Variants in TTC17 observed in about 807,000 individuals in gnomAD.
The protein encoded by TTC17 is tetratricopeptide repeat protein 17.
In TTC17, 58 loss-of-function variants were observed where a neutral mutation model predicts 143.8. The ratio of observed to expected loss-of-function variants is 0.40; its 90% CI spans 0.33 to 0.50. The LOEUF (loss-of-function observed/expected upper bound fraction) is 0.50, where lower values mean the gene tolerates loss of function less well. Among genes scored for constraint, TTC17 ranks in the 20% least tolerant of loss-of-function variants. The pLI is 0.49. For synonymous variants in TTC17, 501 were observed against 497.8 expected (o/e 1.01, Z -0.09); for missense variants, 1,273 against 1,392.5 (o/e 0.91, Z 1.37).
intron 21 of TTC17, among the ~76,000 whole-genome samples, chr11:43,467,405 A>G (rs992536726): frequency 3.9e-5 from 6 of 152,260 alleles, no homozygotes; most frequent in Middle Eastern, 3.2e-3. Flanking sequence ...GGTAAGTGAA[A>G]TAAGCCAGTC....
intron 18 of TTC17, among the ~76,000 whole-genome samples, chr11:43,445,239 G>A (rs1286450286): frequency 6.6e-6 from 1 of 151,976 alleles, no homozygotes; most frequent in Non-Finnish European, 1.5e-5. Flanking sequence ...CTCTGAAATT[G>A]GAATACATCT....
Position 43,448,026 on chromosome 11 carries a change from T to G in TTC17, c.2690T>G (p.Leu897Arg), listed in dbSNP as rs969041233. ...PQGKKRDYQR[L>R]GWPSPDECLK... ...GGAAAAAAACGTGACTACCAGCGTC[T>G]GGGATGGCCCAGCCCGGACGAATGC... is the stretch of plus-strand genomic sequence containing the variant. Residue 897 changes from leucine (L) to arginine (R), a missense_variant, in exon 19 of 24, where the codon CTG (leucine) becomes CGG (arginine). Transcript: ENST00000039989. The G allele has an allele frequency of 1.2e-6, 2 of 1,614,074 alleles. No individual in the cohort carries two copies. The highest frequency in any genetic ancestry group is 8.5e-7 in the Non-Finnish European group (1 of 1,179,950).
rs1307780810 is a variant in TTC17, at chr11:43,358,961, G to A, written c.7G>A (p.Ala3Thr). 6.4e-6 allele frequency: 10 copies of A among 1,573,718 alleles called. No individual in the cohort carries two copies. The highest frequency in any genetic ancestry group is 2.8e-5 in the African/African-American group (2 of 71,670). MA[A>T]AVGVRGRYEL... The stretch of plus-strand genomic sequence containing the variant: ...GCCCGGCCGGGGGGGCAAGATGGCG[G>A]CGGCAGTAGGGGTTCGTGGCCGGTA... The change falls in exon 1 of 24, where the codon GCG becomes ACG. Residue 3 changes from alanine to threonine, a missense_variant. Physicochemically the swap from Ala to Thr is moderately conservative, Grantham distance 58 (BLOSUM62 0). Coordinates refer to ENST00000039989, the MANE Select transcript of TTC17 (RefSeq NM_018259.6).
intron 21 of TTC17, among the ~76,000 whole-genome samples, chr11:43,467,802 A>G (rs192610828): frequency 1.1e-4 from 17 of 152,186 alleles, no homozygotes; most frequent in East Asian, 7.7e-4. Flanking sequence ...ATCCAAACTG[A>G]TATATAAAGA....
intron 16 of TTC17, among the ~76,000 whole-genome samples, chr11:43,439,063 G>A (rs946733450): frequency 5.9e-5 from 9 of 152,184 alleles, no homozygotes; most frequent in Non-Finnish European, 1.3e-4. Flanking sequence ...GTTGAAGATG[G>A]TTATTGTTCC....
At chr11:43,461,376 G>A (rs1189697243) in intron 21 of TTC17, among the ~76,000 whole-genome samples, 2 of 122,546 alleles carry the variant, frequency 1.6e-5, no homozygotes, top group East Asian at 2.4e-4. Context: ...GGGCGACAGA[G>A]CGAAACTCCG....
At chr11:43,457,811 G>A (rs188696432) in intron 21 of TTC17, among the ~76,000 whole-genome samples, 2 of 151,758 alleles carry the variant, frequency 1.3e-5, no homozygotes, top group East Asian at 1.9e-4. Flanking sequence ...CATAAGAAAC[G>A]TGATGGAAAA....
intron 1 of TTC17, among the ~76,000 whole-genome samples, chr11:43,365,086 C>A (rs1037946522): frequency 7.9e-5 from 12 of 151,564 alleles, no homozygotes; most frequent in Admixed American, 4.6e-4. Context: ...CAGGCGTGAA[C>A]CCACCACGCC....
rs752663185 is a variant in TTC17 at position 43,397,504 on chromosome 11, C to G, written c.918+13C>G. The G allele has an allele frequency of 5.1e-6, 8 of 1,559,826 alleles. No individual in the cohort carries two copies. The Admixed American group carries it at 1.5e-4, about 28-fold the overall frequency. On this transcript the variant is annotated intron_variant, in intron 7 of 23. Coordinates refer to ENST00000039989, the MANE Select transcript of TTC17 (RefSeq NM_018259.6). ...GAATATATATGCAGTAAGTACTACT[C>G]TTTGTTTCATGAGTCATGCTAGTTG...
intron 16 of TTC17, among the ~76,000 whole-genome samples, chr11:43,426,210 C>T (rs1351938011): frequency 1.3e-5 from 2 of 152,200 alleles, no homozygotes; most frequent in Non-Finnish European, 2.9e-5. Context: ...AATTCACCAC[C>T]CCTCTCACAG....
Position 43,379,201 on chromosome 11 carries a change from C to A in TTC17, c.160-32C>A, listed in dbSNP as rs373626995. The A allele has an allele frequency of 1.1e-5, 18 of 1,588,910 alleles. No individual in the cohort carries two copies. The African/African-American group carries it at 2.3e-4, about 20-fold the overall frequency. The stretch of plus-strand genomic sequence containing the variant: ...TAATCCAAACCAGCATTAATGAAAT[C>A]CGAGCTTTATTTATTTATTGCTTGC... On this transcript the variant is annotated intron_variant, in intron 1 of 23. Coordinates refer to ENST00000039989, the MANE Select transcript of TTC17 (RefSeq NM_018259.6).
chr11:43,406,802 A>T (rs1365650674), intron 13 of TTC17, among the ~76,000 whole-genome samples: 3 of 152,230 alleles, frequency 2.0e-5, no homozygotes, highest in South Asian at 4.1e-4. Context: ...AAGACAGTAG[A>T]TTTTTATTAC....
rs57982323 is a variant in TTC17 at position 43,412,981 on chromosome 11, G to GACACACACAC, written c.2065-1571_2065-1562dup. Among the ~76,000 whole-genome samples, 540 of 140,464 alleles carry GACACACACAC rather than the reference G, an allele frequency of 3.8e-3. 4 individuals are homozygous for GACACACACAC. The highest frequency in any genetic ancestry group is 0.013 in the African/African-American group (487 of 37,638). 92.1% of individuals were successfully genotyped at this position (140,464 alleles called of 152,430 possible). ...TCTACATAGAACTGGACCTAGAATAGACACACACACACACACACACACACA... is the reference window on the plus strand; with the variant it reads ...TCTACATAGAACTGGACCTAGAATAGACACACACACACACACACACACACACACACACACA... On this transcript the variant is annotated intron_variant, in intron 15 of 23. Coordinates refer to ENST00000039989, the MANE Select transcript of TTC17 (RefSeq NM_018259.6).
At chr11:43,435,072 TAAGATGATA>T (rs1947255494) in intron 16 of TTC17, 1 of 145,732 alleles carries the variant, frequency 6.9e-6, no homozygotes, top group African/African-American at 2.5e-5. Context: ...TACACACAGA[TAAGATGATA>T]GATAGATAGA....
In TTC17 at chr11:43,404,246, C is replaced by G. The variant is rs1441696704; in HGVS notation, c.1479+102C>G. The G allele has an allele frequency of 3.6e-6, 4 of 1,097,552 alleles. No homozygotes were observed. The East Asian group carries it at 7.9e-5, about 22-fold the overall frequency. The allele number at this position is 1,097,552 out of a possible 1,614,324, so 68.0% of individuals were successfully genotyped here. A position where few individuals can be genotyped will look rare whatever the true frequency, so the allele number is the denominator to read the frequency against. On this transcript the variant is annotated intron_variant, in intron 11 of 23. Coordinates refer to ENST00000039989, the MANE Select transcript of TTC17 (RefSeq NM_018259.6). ...GATTAATATGGCCTCTATGACTGTT[C>G]AGATTAGTTCAGCAAACGTGTAGTA...
chr11:43,481,453 C>A (rs1029245210), intron 21 of TTC17, among the ~76,000 whole-genome samples: 3 of 152,110 alleles, frequency 2.0e-5, no homozygotes, highest in Non-Finnish European at 2.9e-5. Context: ...CTGAAAAAGT[C>A]TGTAGAGAAT....
At chr11:43,431,041 TGTTA>T (rs1417233812) in intron 16 of TTC17, among the ~76,000 whole-genome samples, 1 of 152,118 alleles carries the variant, frequency 6.6e-6, no homozygotes, top group East Asian at 1.9e-4. Flanking sequence ...TTTGTTTCTG[TGTTA>T]GTTTGTTGAG....
At chr11:43,473,882 C>CAAAAA (rs781437584) in intron 21 of TTC17, among the ~76,000 whole-genome samples, 1 of 60,662 alleles carries the variant, frequency 1.6e-5, no homozygotes, top group Non-Finnish European at 3.4e-5. Flanking sequence ...GACTCTGTCT[C>CAAAAA]AAAAAAAAAA....
chr11:43,421,304 G>A lies in TTC17; in HGVS notation c.2251+6528G>A, dbSNP rs561859097. Among the ~76,000 whole-genome samples the A allele has an allele frequency of 5.9e-5, 9 of 152,296 alleles. No individual in the cohort carries two copies. The South Asian group carries it at 1.9e-3, about 32-fold the overall frequency. On this transcript the variant is annotated intron_variant, in intron 16 of 23. Coordinates refer to ENST00000039989, the MANE Select transcript of TTC17 (RefSeq NM_018259.6). The stretch of plus-strand genomic sequence containing the variant: ...ATTGCAAATGTTCATGTTAGGAATA[G>A]CAAGGAGGGCTTTCCATCTGTGGTG...
Sources: gnomAD v4.1 joint callset for allele counts (sites outside exome capture counted in the v4.1 genomes callset) on GRCh38, gnomAD v4.1.1 for gene constraint, MANE v1.5 for transcripts, NCBI Gene and HGNC (gene_info 2026-07-23, HGNC 2026-07-21) for gene names.